Variants in CDH4 observed in about 807,000 individuals in gnomAD.
The protein encoded by CDH4 is cadherin-4.
Under a neutral mutation model 86.0 loss-of-function variants are expected in CDH4, and 33 were observed. The observed-to-expected ratio is 0.38, with a 90% CI of 0.29 to 0.51. The LOEUF is 0.51. Ranked by LOEUF, CDH4 falls within the 20% of genes least tolerant of loss-of-function variation. CDH4 has a pLI of 0.86. For missense variants in CDH4, 1,114 were observed against 1,307.4 expected (o/e 0.85, Z 2.28); for synonymous variants, 555 against 549.4 (o/e 1.01, Z -0.14).
chr20:61,308,421 G>A (rs937247242), intron 2 of CDH4, among the ~76,000 whole-genome samples: 3 of 152,208 alleles, frequency 2.0e-5, no homozygotes, highest in Admixed American at 1.3e-4. Flanking sequence ...AAGGCAGGGC[G>A]AGGTGAAGTC....
At chr20:61,794,828 G>C (rs1979439286) in intron 4 of CDH4, among the ~76,000 whole-genome samples, 1 of 152,194 alleles carries the variant, frequency 6.6e-6, no homozygotes, top group Non-Finnish European at 1.5e-5. Flanking sequence ...AGGGCTCATT[G>C]CTCCAGGCAC....
At chr20:61,300,610 C>G (rs1241637385) in intron 2 of CDH4, among the ~76,000 whole-genome samples, 1 of 152,176 alleles carries the variant, frequency 6.6e-6, no homozygotes, top group Non-Finnish European at 1.5e-5. Context: ...GGACCCGTCT[C>G]CCGGGTCTGT....
At chr20:61,291,849 C>T (rs909834289) in intron 2 of CDH4, among the ~76,000 whole-genome samples, 1 of 152,214 alleles carries the variant, frequency 6.6e-6, no homozygotes, top group African/African-American at 2.4e-5. Context: ...CTCCCAGGAC[C>T]TAAGCCCGAT....
At chr20:61,515,927 C>T (rs908595188) in intron 2 of CDH4, among the ~76,000 whole-genome samples, 2 of 152,138 alleles carry the variant, frequency 1.3e-5, no homozygotes, top group African/African-American at 2.4e-5. Context: ...TCTATCCCCC[C>T]CATCCCGCAG....
rs1031837081 is a variant in CDH4 at position 61,814,455 on chromosome 20, G to A, written c.577-30213G>A. ...TGGGAGGCTGCGGCCGCTCGACGAC[G>A]ATCCCTGCAGACCCAGCCCCTCACA... On this transcript the variant is annotated intron_variant, in intron 4 of 15. Transcript: ENST00000614565. Among the ~76,000 whole-genome samples the A allele has an allele frequency of 5.3e-5, 8 of 152,266 alleles. No homozygotes were observed. In the South Asian group the frequency reaches 6.2e-4, roughly 12 times the overall value.
At chr20:61,292,181 C>G (rs979243242) in intron 2 of CDH4, among the ~76,000 whole-genome samples, 1 of 152,106 alleles carries the variant, frequency 6.6e-6, no homozygotes, top group African/African-American at 2.4e-5. Context: ...GACACATGCA[C>G]GCAAATATTC....
At chr20:61,451,775 T>C (rs1191277362) in intron 2 of CDH4, among the ~76,000 whole-genome samples, 1 of 152,086 alleles carries the variant, frequency 6.6e-6, no homozygotes, top group Non-Finnish European at 1.5e-5. Flanking sequence ...GAGGGCTCCC[T>C]GGCCGTGGTG....
chr20:61,295,891 G>A (rs886707725), intron 2 of CDH4, among the ~76,000 whole-genome samples: 4 of 152,346 alleles, frequency 2.6e-5, no homozygotes, highest in East Asian at 1.9e-4. Flanking sequence ...CTCTCTGGAA[G>A]GTGCTTTGAA....
chr20:61,600,604 C>T lies in CDH4; in HGVS notation c.170-142959C>T, dbSNP rs139678483. Reference sequence around the variant, plus strand: ...GCACTCAGCCAGCCACTGCTGTCTTCACAACTATTGTCCCTCAGGGGATTC... The same window carrying T: ...GCACTCAGCCAGCCACTGCTGTCTTTACAACTATTGTCCCTCAGGGGATTC... On this transcript the variant is annotated intron_variant, in intron 2 of 15. Transcript: ENST00000614565. 2.6e-4 allele frequency among the ~76,000 whole-genome samples: 39 copies of T among 152,316 alleles called. No homozygotes were observed. In the East Asian group the frequency reaches 6.2e-3, roughly 24 times the overall value.
At chr20:61,694,607 G>C (rs996332528) in intron 2 of CDH4, among the ~76,000 whole-genome samples, 13 of 152,214 alleles carry the variant, frequency 8.5e-5, no homozygotes, top group African/African-American at 2.9e-4. Flanking sequence ...TTGGAGGAAG[G>C]CTGAACTGGG....
At chr20:61,303,522 G>T (rs772733489) in intron 2 of CDH4, among the ~76,000 whole-genome samples, 115 of 152,170 alleles carry the variant, frequency 7.6e-4, no homozygotes, top group Non-Finnish European at 6.6e-4. Context: ...TCACCCTCCT[G>T]CTTCTCCTGG....
At chr20:61,302,668 G>A (rs890666773) in intron 2 of CDH4, among the ~76,000 whole-genome samples, 1 of 152,206 alleles carries the variant, frequency 6.6e-6, no homozygotes, top group Non-Finnish European at 1.5e-5. Flanking sequence ...ATTTGGGTCT[G>A]TGTGAGACAC....
At chr20:61,546,274 TGTG>T (rs1420240764) in intron 2 of CDH4, among the ~76,000 whole-genome samples, 3 of 151,696 alleles carry the variant, frequency 2.0e-5, no homozygotes, top group East Asian at 2.0e-4. Flanking sequence ...TTCACATGTG[TGTG>T]GTGTGTGCGC....
intron 3 of CDH4, among the ~76,000 whole-genome samples, chr20:61,755,775 TACACACCACACAC>T (rs1050720317): frequency 3.6e-4 from 52 of 145,330 alleles, no homozygotes; most frequent in Non-Finnish European, 6.5e-4. Context: ...TACACACATA[TACACACCACACAC>T]ACACACCACA....
intron 2 of CDH4, among the ~76,000 whole-genome samples, chr20:61,714,062 T>TTTTATTTTATTTTATTTTATTTTATTTTA (rs2087925465): frequency 6.7e-6 from 1 of 150,084 alleles, no homozygotes; most frequent in Admixed American, 6.6e-5. Flanking sequence ...TTTTATTTTA[T>TTTTATTTTATTTTATTTTATTTTATTTTA]TTGAGATGGA....
chr20:61,270,778 T>C (rs1474255399), intron 2 of CDH4, among the ~76,000 whole-genome samples: 2 of 152,184 alleles, frequency 1.3e-5, no homozygotes, highest in Non-Finnish European at 2.9e-5. Flanking sequence ...GTGGGGGTAG[T>C]GTGAGCTTCA....
At chr20:61,257,641 A>G (rs945216501) in intron 2 of CDH4, among the ~76,000 whole-genome samples, 1 of 152,250 alleles carries the variant, frequency 6.6e-6, no homozygotes, top group Non-Finnish European at 1.5e-5. Context: ...GCATGGCCGT[A>G]TCTAAAATAG....
Position 61,708,676 on chromosome 20 carries a change from C to T in CDH4, c.170-34887C>T, listed in dbSNP as rs2087858815. Among the ~76,000 whole-genome samples the T allele has an allele frequency of 6.6e-6, 1 of 152,128 alleles. No individual in the cohort carries two copies. Among genetic ancestry groups the T allele is most frequent in the South Asian group, 2.1e-4 (1 of 4,834 alleles). ...ACCCCACCCCTTCCCATCCTTGGGG[C>T]TCAGAGAAATGCTGCCTTCTCCGGG... On this transcript the variant is annotated intron_variant, in intron 2 of 15. Transcript: ENST00000614565. This position sits in a 1 kb window ranked among gnomAD's most constrained non-coding sequence, Gnocchi z 4.5.
intron 2 of CDH4, among the ~76,000 whole-genome samples, chr20:61,408,635 A>G (rs1455424936): frequency 2.6e-5 from 4 of 152,138 alleles, no homozygotes; most frequent in African/African-American, 9.7e-5. Flanking sequence ...TCATGGAGAC[A>G]GTGTGGGGTG....
Sources: gnomAD v4.1 joint callset for allele counts (sites outside exome capture counted in the v4.1 genomes callset) on GRCh38, gnomAD v4.1.1 for gene constraint, Gnocchi (gnomAD v3.1) non-coding constraint, MANE v1.5 for transcripts, NCBI Gene and HGNC (gene_info 2026-07-23, HGNC 2026-07-21) for gene names.